The following RGL1 variants were observed in gnomAD, a reference collection of about 807,000 sequenced individuals.
RGL1 encodes ral guanine nucleotide dissociation stimulator like 1.
In RGL1, 24 loss-of-function variants were observed where a neutral mutation model predicts 95.2. The observed-to-expected ratio is 0.25, with a 90% CI of 0.18 to 0.35. The LOEUF is 0.35. Among genes scored for constraint, RGL1 ranks in the 10% least tolerant of loss-of-function variants. The pLI, the probability that RGL1 is intolerant of heterozygous loss-of-function variation, is 1.00. For synonymous variants in RGL1, 329 were observed against 344.9 expected (o/e 0.95, Z 0.51); for missense variants, 715 against 936.3 (o/e 0.76, Z 3.08).
At chr1:183,890,766 A>G (rs561521010) in intron 8 of RGL1, among the ~76,000 whole-genome samples, 3 of 152,278 alleles carry the variant, frequency 2.0e-5, no homozygotes, top group South Asian at 2.1e-4. Flanking sequence ...CAGCAAATCT[A>G]TGGACACGGA....
rs67070302 is a variant in RGL1 at position 183,818,771 on chromosome 1, CT to C, written c.138+12294del. Among the ~76,000 whole-genome samples the C allele has an allele frequency of 1.9e-3, 285 of 151,998 alleles. 7 individuals carry two copies. In the East Asian group the frequency reaches 0.042, roughly 23 times the overall value. ...ATTATAGAACGTGTATCTTTAGTGA[CT>C]TTTTTTTGGTATTTGGTAATATTGT... is the stretch of plus-strand genomic sequence containing the variant. On this transcript the variant is annotated intron_variant, in intron 2 of 17. Transcript: ENST00000360851.
chr1:183,697,967 C>T (rs1485739477), intron 1 of RGL1, among the ~76,000 whole-genome samples: 5 of 152,196 alleles, frequency 3.3e-5, no homozygotes, highest in African/African-American at 1.2e-4. Flanking sequence ...TGATGAGAAG[C>T]AGCTTGGAGA....
chr1:183,836,028 G>A (rs913733554), intron 2 of RGL1, among the ~76,000 whole-genome samples: 3 of 152,236 alleles, frequency 2.0e-5, no homozygotes, highest in East Asian at 1.9e-4. Flanking sequence ...GTAACTCTGG[G>A]TGTGACCCCT....
intron 3 of RGL1, among the ~76,000 whole-genome samples, chr1:183,854,400 C>A (rs1006854796): frequency 6.6e-6 from 1 of 152,156 alleles, no homozygotes; most frequent in African/African-American, 2.4e-5. Context: ...AAGTATAGTA[C>A]CACCGTGGGA....
At chr1:183,821,542 A>AAG (rs1375598249) in intron 2 of RGL1, among the ~76,000 whole-genome samples, 2 of 152,148 alleles carry the variant, frequency 1.3e-5, no homozygotes, top group Non-Finnish European at 2.9e-5. Flanking sequence ...TCTGCTCTGT[A>AAG]AGAGGGCAGG....
chr1:183,706,397 A>G (rs1329365358), intron 1 of RGL1, among the ~76,000 whole-genome samples: 2 of 152,220 alleles, frequency 1.3e-5, no homozygotes, highest in African/African-American at 4.8e-5. Context: ...CCTACCTGCC[A>G]CCATCAGGGT....
At chr1:183,727,768 C>T (rs1656393957) in intron 1 of RGL1, among the ~76,000 whole-genome samples, 1 of 152,054 alleles carries the variant, frequency 6.6e-6, no homozygotes, top group South Asian at 2.1e-4. Context: ...TTTCAGGATG[C>T]AAAATTAATT....
chr1:183,861,215 A>G (rs920492654), intron 3 of RGL1, among the ~76,000 whole-genome samples: 2 of 152,152 alleles, frequency 1.3e-5, no homozygotes, highest in East Asian at 1.9e-4. Context: ...TTATTGGATC[A>G]TTTGCCAGAA....
intron 1 of RGL1, among the ~76,000 whole-genome samples, chr1:183,645,557 G>A (rs952913559): frequency 6.6e-6 from 1 of 152,208 alleles, no homozygotes; most frequent in Non-Finnish European, 1.5e-5. Context: ...ACCATTGCCA[G>A]TTGGCTGAAG....
intron 14 of RGL1, 52 bp from the exon 15 acceptor site, chr1:183,912,030 T>C: frequency 6.5e-7 from 1 of 1,532,278 alleles, no homozygotes; most frequent in Non-Finnish European, 9.0e-7. Flanking sequence ...TGCCTAATCA[T>C]GGATTCCAGA....
intron 1 of RGL1, among the ~76,000 whole-genome samples, chr1:183,684,556 A>G (rs7520442): frequency 0.44 from 67,494 of 151,860 alleles, 16,360 homozygotes; most frequent in East Asian, 0.75. Flanking sequence ...GAGCTAGACC[A>G]TTTGCCTCCC....
intron 2 of RGL1, among the ~76,000 whole-genome samples, chr1:183,836,419 T>A (rs1663658886): frequency 6.9e-6 from 1 of 145,950 alleles, no homozygotes; most frequent in African/African-American, 2.6e-5. Context: ...CCCAGCTAAT[T>A]TTTTTTTTTT....
At chr1:183,819,354 G>A (rs970257686) in intron 2 of RGL1, among the ~76,000 whole-genome samples, 4 of 152,110 alleles carry the variant, frequency 2.6e-5, no homozygotes, top group Non-Finnish European at 4.4e-5. Flanking sequence ...CTTTCTTACC[G>A]GAACTCACAG....
intron 1 of RGL1, among the ~76,000 whole-genome samples, chr1:183,673,149 G>A (rs1245798231): frequency 6.6e-6 from 1 of 152,282 alleles, no homozygotes; most frequent in African/African-American, 2.4e-5. Flanking sequence ...CTGTGAGTAT[G>A]AGACTGAAGC....
chr1:183,834,316 A>T (rs1364468670), intron 2 of RGL1, among the ~76,000 whole-genome samples: 1 of 152,202 alleles, frequency 6.6e-6, no homozygotes, highest in Admixed American at 6.5e-5. Flanking sequence ...TCTAGAAAGC[A>T]CTAGCAAGTA....
intron 16 of RGL1, among the ~76,000 whole-genome samples, chr1:183,920,191 C>T (rs557392966): frequency 6.6e-5 from 10 of 152,186 alleles, no homozygotes; most frequent in Admixed American, 2.0e-4. Context: ...CCCACGACCA[C>T]GCCTGGCTAA....
chr1:183,873,135 A>G (rs945149193), intron 4 of RGL1, among the ~76,000 whole-genome samples: 6 of 152,224 alleles, frequency 3.9e-5, no homozygotes, highest in African/African-American at 9.7e-5. Flanking sequence ...GAATAAAACA[A>G]CATTGATAAT....
At chr1:183,707,210 A>G (rs998969875) in intron 1 of RGL1, among the ~76,000 whole-genome samples, 21 of 152,162 alleles carry the variant, frequency 1.4e-4, no homozygotes, top group African/African-American at 5.1e-4. Context: ...GAATTGTATC[A>G]GCATGCGCCT....
At chr1:183,664,594 A>G (rs1373010642) in intron 1 of RGL1, among the ~76,000 whole-genome samples, 2 of 150,982 alleles carry the variant, frequency 1.3e-5, no homozygotes, top group Non-Finnish European at 2.9e-5. Flanking sequence ...TTTTAATGCC[A>G]TAATCCTGCT....
Sources: gnomAD v4.1 joint callset for allele counts (sites outside exome capture counted in the v4.1 genomes callset) on GRCh38, gnomAD v4.1.1 for gene constraint, MANE v1.5 for transcripts, NCBI Gene and HGNC (gene_info 2026-07-23, HGNC 2026-07-21) for gene names.